Variants in ALMS1 observed in about 807,000 individuals in gnomAD.
ALMS1 encodes ALMS1 centrosome and basal body associated protein, also known as centrosome-associated protein ALMS1.
In ALMS1, 271 loss-of-function variants were observed where a neutral mutation model predicts 352.2. The ratio of observed to expected loss-of-function variants is 0.77; its 90% CI spans 0.70 to 0.85. The LOEUF (loss-of-function observed/expected upper bound fraction) is 0.85. Ranked by LOEUF, ALMS1 falls within the 40% of genes least tolerant of loss-of-function variation. The pLI, the probability that ALMS1 is intolerant of heterozygous loss-of-function variation, is 0.00. For missense variants in ALMS1, 5,445 were observed against 4,870.7 expected, an observed-to-expected ratio of 1.12 and a Z score of -3.51; for synonymous variants, 1,865 against 1,761.2, an observed-to-expected ratio of 1.06 and a Z score of -1.48.
At chr2:73,574,623 C>T (rs1007314556) in intron 16 of ALMS1, among the ~76,000 whole-genome samples, 45 of 151,962 alleles carry the variant, frequency 3.0e-4, no homozygotes, top group African/African-American at 9.4e-4. Context: ...GAGCTTTTGG[C>T]AGTGTTTACA....
In ALMS1 at chr2:73,545,563, A is replaced by G. The variant is rs979702882; in HGVS notation, c.9908-4704A>G. On this transcript the variant is annotated intron_variant, in intron 12 of 22. Transcript: ENST00000613296. ...AATCTTAATTGAATTTTAAAAGTAG[A>G]TGTCTATGTTCCAAATCAGGGTTGA... is the stretch of plus-strand genomic sequence containing the variant. 4.6e-5 allele frequency among the ~76,000 whole-genome samples: 7 copies of G among 152,346 alleles called. No homozygotes were observed. The Middle Eastern group carries it at 0.014, about 296-fold the overall frequency.
intron 9 of ALMS1, 140 bp downstream of exon 9, chr2:73,455,435 G>C: frequency 9.3e-7 from 1 of 1,076,538 alleles, no homozygotes; most frequent in East Asian, 2.6e-5. Context: ...AGACAGTCTT[G>C]CTCTGTTGCC....
chr2:73,475,445 T>C (rs1479804040), intron 9 of ALMS1, among the ~76,000 whole-genome samples: 1 of 152,146 alleles, frequency 6.6e-6, no homozygotes, highest in Non-Finnish European at 1.5e-5. Flanking sequence ...GGGTATTTAT[T>C]GTGTTTTTTA....
intron 16 of ALMS1, among the ~76,000 whole-genome samples, chr2:73,588,716 G>C (rs1261066577): frequency 6.6e-6 from 1 of 152,124 alleles, no homozygotes; most frequent in East Asian, 1.9e-4. Context: ...ATTTATATTA[G>C]CTCATGTTTC....
chr2:73,423,743 C>A (rs974532915), intron 4 of ALMS1, among the ~76,000 whole-genome samples: 7 of 151,992 alleles, frequency 4.6e-5, no homozygotes, highest in South Asian at 2.1e-4. Context: ...TAGATCACTT[C>A]TTAAGTGGTT....
chr2:73,532,839 G>A (rs1278521095), intron 11 of ALMS1, among the ~76,000 whole-genome samples: 1 of 152,184 alleles, frequency 6.6e-6, no homozygotes, highest in East Asian at 1.9e-4. Flanking sequence ...AATGTGCTGG[G>A]TCACACCTGA....
intron 16 of ALMS1, among the ~76,000 whole-genome samples, chr2:73,590,401 A>G (rs1675403437): frequency 6.6e-6 from 1 of 152,224 alleles, no homozygotes; most frequent in Non-Finnish European, 1.5e-5. Context: ...TAGACAAAAT[A>G]TTGATGAATT....
At chr2:73,542,616 C>T (rs1003326304) in intron 12 of ALMS1, among the ~76,000 whole-genome samples, 18 of 152,126 alleles carry the variant, frequency 1.2e-4, no homozygotes, top group African/African-American at 4.3e-4. Context: ...TAGAAAACCC[C>T]ATTGTCTCAG....
At chr2:73,549,652 A>G (rs896517705) in intron 12 of ALMS1, among the ~76,000 whole-genome samples, 2 of 151,918 alleles carry the variant, frequency 1.3e-5, no homozygotes, top group African/African-American at 4.8e-5. Context: ...GATACAATCC[A>G]TTTTCTCCTT....
At chr2:73,523,248 CTTTA>C (rs983486864) in intron 11 of ALMS1, among the ~76,000 whole-genome samples, 1 of 152,132 alleles carries the variant, frequency 6.6e-6, no homozygotes, top group African/African-American at 2.4e-5. Context: ...AGCTTGCTCA[CTTTA>C]TTTATTTATT....
intron 15 of ALMS1, among the ~76,000 whole-genome samples, chr2:73,571,033 A>G (rs1332359779): frequency 1.3e-5 from 2 of 152,238 alleles, no homozygotes; most frequent in African/African-American, 4.8e-5. Context: ...TGTTCAGTGC[A>G]GAAGCTGCAA....
At chr2:73,476,524 G>A (rs1459447990) in intron 9 of ALMS1, among the ~76,000 whole-genome samples, 2 of 151,872 alleles carry the variant, frequency 1.3e-5, no homozygotes, top group African/African-American at 4.8e-5. Context: ...AGCAGTATTC[G>A]AGGGTACTGA....
chr2:73,557,906 A>G (rs1176141428), intron 14 of ALMS1, among the ~76,000 whole-genome samples: 1 of 152,240 alleles, frequency 6.6e-6, no homozygotes, highest in Non-Finnish European at 1.5e-5. Context: ...TCCAGAGGTA[A>G]GCATCCAGAG....
chr2:73,400,277 G>A (rs1670848666), intron 1 of ALMS1, among the ~76,000 whole-genome samples: 1 of 152,154 alleles, frequency 6.6e-6, no homozygotes, highest in Admixed American at 6.5e-5. Context: ...AATCAAGTTT[G>A]CGTACGTGGG....
chr2:73,573,271 A>G lies in ALMS1; in HGVS notation c.11394A>G (p.Arg3798=), dbSNP rs749843102. The G allele has an allele frequency of 5.0e-6, 8 of 1,613,962 alleles. No homozygotes were observed. The highest frequency in any genetic ancestry group is 1.3e-5 in the African/African-American group (1 of 74,928). ...ARLIQAFGHE[R]VCLSPRRIKL... The stretch of plus-strand genomic sequence containing the variant: ...TGATTCAAGCTTTTGGCCATGAAAG[A>G]GTATGCTTGTCACCCAGACGAATTA... The change falls in exon 16 of 23, where the codon AGA becomes AGG. Residue 3798 remains arginine (R), a synonymous_variant. Transcript: ENST00000613296.
intron 11 of ALMS1, among the ~76,000 whole-genome samples, chr2:73,523,854 T>C (rs576772360): frequency 6.6e-6 from 1 of 152,204 alleles, no homozygotes; most frequent in East Asian, 1.9e-4. Context: ...CTAGAGGATT[T>C]TGGGTTTTAT....
At chr2:73,591,135 C>T (rs1675424642) in intron 16 of ALMS1, among the ~76,000 whole-genome samples, 1 of 151,974 alleles carries the variant, frequency 6.6e-6, no homozygotes, top group South Asian at 2.1e-4. Flanking sequence ...AGCTTAATTA[C>T]ATTGTGTTAA....
rs771370411 is a variant in ALMS1, at chr2:73,600,798, A to G, written c.11789A>G (p.Glu3930Gly). 14 of 1,614,128 alleles carry G rather than the reference A, an allele frequency of 8.7e-6. No homozygotes were observed. The South Asian group carries it at 1.5e-4, about 18-fold the overall frequency. The change falls in exon 18 of 23, where the codon GAA becomes GGA. Residue 3930 changes from glutamate to glycine, a missense_variant. Physicochemically the swap from Glu to Gly is moderately conservative, Grantham distance 98. Transcript: ENST00000613296. ...AACAGTGATGTGACTTCTTGGTCAG[A>G]AGAAAAACGTGAAGAGAAAATGCTC... ...EENSDVTSWSEEKREEKMLFT... is the reference protein window; with the variant it reads ...EENSDVTSWSGEKREEKMLFT...
intron 1 of ALMS1, among the ~76,000 whole-genome samples, chr2:73,406,772 C>G (rs1670981216): frequency 6.6e-6 from 1 of 152,140 alleles, no homozygotes; most frequent in Non-Finnish European, 1.5e-5. Flanking sequence ...ACTACAGGCA[C>G]AGGCCACCAT....
Sources: gnomAD v4.1 joint callset for allele counts (sites outside exome capture counted in the v4.1 genomes callset) on GRCh38, gnomAD v4.1.1 for gene constraint, MANE v1.5 for transcripts, NCBI Gene and HGNC (gene_info 2026-07-23, HGNC 2026-07-21) for gene names.